The following KIAA0513 variants were observed in gnomAD, a reference collection of about 807,000 sequenced individuals.
KIAA0513 encodes KIAA0513, also known as uncharacterized protein KIAA0513.
A neutral mutation model predicts 56.5 loss-of-function variants in KIAA0513; 39 were observed. That is an observed-to-expected ratio of 0.69 (90% CI 0.53 to 0.90). KIAA0513 has a LOEUF of 0.90. Among genes scored for constraint, KIAA0513 ranks in the 40% least tolerant of loss-of-function variants. KIAA0513 has a pLI of 0.00. For synonymous variants in KIAA0513, 268 were observed against 215.6 expected (o/e 1.24, Z -2.13); for missense variants, 591 against 535.2 (o/e 1.10, Z -1.03).
chr16:85,072,898 A>G (rs373123115), intron 3 of KIAA0513, 27 bp from the exon 4 acceptor site: 46 of 1,611,810 alleles, frequency 2.9e-5, no homozygotes, highest in Middle Eastern at 3.3e-4. Flanking sequence ...CTGAACCTCA[A>G]TGATGTGTCT....
At chr16:85,045,194 A>G (rs1244376699) in intron 1 of KIAA0513, among the ~76,000 whole-genome samples, 1 of 152,204 alleles carries the variant, frequency 6.6e-6, no homozygotes, top group Non-Finnish European at 1.5e-5. Flanking sequence ...TAGCAGTCAG[A>G]TGCGTTTCTG....
rs917570254 is a variant in KIAA0513, at chr16:85,091,293, A to G, written c.*2968A>G. 2 of 152,240 alleles carry G rather than the reference A, an allele frequency of 1.3e-5. No individual in the cohort carries two copies. Among genetic ancestry groups the G allele is most frequent in the Non-Finnish European group, 2.9e-5 (2 of 68,038 alleles). 9.4% of individuals were successfully genotyped at this position (152,240 alleles called of 1,614,324 possible). ...ATGGTATGTTTTTAGCCTTTGTTAC[A>G]GTTTTAGCAACATTGATGTCTAAGA... On this transcript the variant is annotated 3_prime_UTR_variant, in exon 13 of 13. Coordinates refer to ENST00000683363, the MANE Select transcript of KIAA0513 (RefSeq NM_001388359.1).
intron 1 of KIAA0513, among the ~76,000 whole-genome samples, chr16:85,037,764 C>A (rs1473176816): frequency 6.6e-6 from 1 of 152,148 alleles, no homozygotes; most frequent in Middle Eastern, 3.2e-3. Context: ...TCTACATAAT[C>A]AGAAATTTAA....
At chr16:85,077,767 C>A (rs2067502152) in intron 6 of KIAA0513, 135 bp downstream of exon 6, 2 of 680,136 alleles carry the variant, frequency 2.9e-6, no homozygotes, top group African/African-American at 3.6e-5. Context: ...CCAGCCACTT[C>A]TGCCCCCACG....
chr16:85,087,139 C>T lies in KIAA0513; in HGVS notation c.1159C>T (p.Gln387Ter). Residue 387 changes from glutamine to a stop codon, truncating the protein, a stop_gained, in exon 12 of 13, where the codon CAG becomes TAG. Coordinates refer to ENST00000683363, the MANE Select transcript of KIAA0513 (RefSeq NM_001388359.1). LOFTEE classifies it high-confidence loss of function. The stretch of plus-strand genomic sequence containing the variant: ...GCTGTGCAATGACTTCCTGAAGAAG[C>T]AGGCTGTGATTGGCAACCTGGATGA... ...KKLCNDFLKKQAVIGNLDEEQ... is the reference protein window; with the variant it reads ...KKLCNDFLKK 3 of 1,614,154 alleles carry T rather than the reference C, an allele frequency of 1.9e-6. No individual in the cohort carries two copies. The highest frequency in any genetic ancestry group is 2.5e-6 in the Non-Finnish European group (3 of 1,179,998).
rs145200070 is a variant in KIAA0513 at position 85,088,201 on chromosome 16, C to T, written c.1187-75C>T. 2,374 of 1,399,236 alleles carry T rather than the reference C, an allele frequency of 1.7e-3. 29 individuals are homozygous for T. The African/African-American group carries it at 0.029, about 17-fold the overall frequency. The allele number at this position is 1,399,236 out of a possible 1,614,324, so 86.7% of individuals were successfully genotyped here. A position where few individuals can be genotyped will look rare whatever the true frequency, so the allele number is the denominator to read the frequency against. On this transcript the variant is annotated intron_variant, in intron 12 of 12. Transcript: ENST00000683363. ...CAGGGAGGCCCGATTCGTCCCTGTC[C>T]GAGTGACAAGAGCAGGATATACCTG...
At chr16:85,086,140 A>G (rs2073804924) in intron 10 of KIAA0513, among the ~76,000 whole-genome samples, 1 of 152,224 alleles carries the variant, frequency 6.6e-6, no homozygotes, top group African/African-American at 2.4e-5. Context: ...AGCTGGCCCC[A>G]GGACGACGCA....
intron 1 of KIAA0513, among the ~76,000 whole-genome samples, chr16:85,045,316 G>A (rs944180099): frequency 1.3e-5 from 2 of 152,088 alleles, no homozygotes; most frequent in African/African-American, 4.8e-5. Context: ...GTTCTTTGGG[G>A]GAAGAGAGTC....
intron 1 of KIAA0513, among the ~76,000 whole-genome samples, chr16:85,049,403 GT>G (rs1194143578): frequency 6.6e-6 from 1 of 152,216 alleles, no homozygotes; most frequent in African/African-American, 2.4e-5. Context: ...CCTACCTTGG[GT>G]TCTGATACGG....
chr16:85,071,762 G>A, intron 2 of KIAA0513, 21 bp from the exon 3 acceptor site: 1 of 1,396,564 alleles, frequency 7.2e-7, no homozygotes, highest in Non-Finnish European at 9.6e-7. Flanking sequence ...TTTTTCCTCT[G>A]CTCTTTTTTT....
intron 1 of KIAA0513, among the ~76,000 whole-genome samples, chr16:85,046,089 T>C (rs957768235): frequency 1.3e-5 from 2 of 152,174 alleles, no homozygotes; most frequent in African/African-American, 4.8e-5. Context: ...GCTTTGCACA[T>C]TGAGGGAGCT....
At chr16:85,036,247 T>C (rs1055380814) in intron 1 of KIAA0513, among the ~76,000 whole-genome samples, 1 of 152,228 alleles carries the variant, frequency 6.6e-6, no homozygotes, top group African/African-American at 2.4e-5. Context: ...GTAACTTTAC[T>C]GAGTGATGCA....
At chr16:85,053,444 A>G (rs755356762) in intron 1 of KIAA0513, among the ~76,000 whole-genome samples, 11 of 152,208 alleles carry the variant, frequency 7.2e-5, no homozygotes, top group Non-Finnish European at 1.6e-4. Context: ...CTCTATCAAC[A>G]TGTTGTTTGC....
chr16:85,049,210 G>C (rs2073213713), intron 1 of KIAA0513, among the ~76,000 whole-genome samples: 1 of 152,252 alleles, frequency 6.6e-6, no homozygotes. Flanking sequence ...AGTGGCTCTT[G>C]AGCAGAAGGC....
intron 1 of KIAA0513, among the ~76,000 whole-genome samples, chr16:85,043,706 C>A (rs1023961197): frequency 2.6e-5 from 4 of 152,122 alleles, no homozygotes; most frequent in African/African-American, 9.6e-5. Context: ...AGCTACCATG[C>A]CTGGCCAGGA....
chr16:85,060,676 A>AAAT (rs774144548), intron 1 of KIAA0513, among the ~76,000 whole-genome samples: 4 of 151,750 alleles, frequency 2.6e-5, no homozygotes, highest in South Asian at 4.2e-4. Context: ...TCACCTTTAT[A>AAAT]AATAATAATA....
At chr16:85,055,448 C>T (rs897247654) in intron 1 of KIAA0513, among the ~76,000 whole-genome samples, 3 of 152,208 alleles carry the variant, frequency 2.0e-5, no homozygotes, top group East Asian at 3.8e-4. Flanking sequence ...TGTTCTGCCT[C>T]GTCTTCAAAG....
intron 1 of KIAA0513, among the ~76,000 whole-genome samples, chr16:85,051,285 T>G: frequency 6.6e-6 from 1 of 152,226 alleles, no homozygotes; most frequent in East Asian, 1.9e-4. Context: ...TTTTTTTCTG[T>G]GAACTGTGAA....
At chr16:85,048,429 C>T (rs1451950167) in intron 1 of KIAA0513, among the ~76,000 whole-genome samples, 1 of 152,174 alleles carries the variant, frequency 6.6e-6, no homozygotes, top group Non-Finnish European at 1.5e-5. Context: ...ATGTGCAGAG[C>T]CTCATGCTGC....
Sources: allele counts gnomAD v4.1 joint callset (sites outside exome capture counted in the v4.1 genomes callset), GRCh38; gene constraint gnomAD v4.1.1; transcripts MANE v1.5; gene names NCBI Gene and HGNC (gene_info 2026-07-23, HGNC 2026-07-21).